Variants in NFATC1 observed in about 807,000 individuals in gnomAD.
The protein encoded by NFATC1 is nuclear factor of activated T cells 1, also known as nuclear factor of activated T-cells, cytoplasmic 1.
A neutral mutation model predicts 76.0 loss-of-function variants in NFATC1; 22 were observed. The ratio of observed to expected loss-of-function variants is 0.29; its 90% CI spans 0.21 to 0.41. The LOEUF is 0.41. Ranked by LOEUF, NFATC1 falls within the 10% of genes least tolerant of loss-of-function variation. The probability of loss-of-function intolerance (pLI) is 1.00; values close to 1 mark genes in which losing one functional copy is unlikely to be tolerated. For synonymous variants in NFATC1, 704 were observed against 613.1 expected (o/e 1.15, Z -2.19); for missense variants, 1,357 against 1,337.7 (o/e 1.01, Z -0.23).
chr18:79,400,164 GTTTA>G (rs2085140179), intron 1 of NFATC1: 1 of 1,090,640 alleles, frequency 9.2e-7, no homozygotes, highest in East Asian at 5.3e-5. Context: ...GGGGACACGA[GTTTA>G]TTTAAAAACT....
In NFATC1 at chr18:79,486,639, G is replaced by A. The variant is rs1323320757; in HGVS notation, c.2484G>A (p.Ala828=). 23 of 1,602,596 alleles carry A rather than the reference G, an allele frequency of 1.4e-5. No homozygotes were observed. The highest frequency in any genetic ancestry group is 2.2e-5 in the East Asian group (1 of 44,694). The change falls in exon 9 of 10, where the codon GCG becomes GCA. Residue 828 remains alanine (A), a synonymous_variant. Coordinates refer to ENST00000427363, the MANE Select transcript of NFATC1 (RefSeq NM_001278669.2). ...PPALLPQQVS[A]PPSSSCPPGL... is the part of the protein sequence containing the mutation. ...CCCTGCTGCCACAGCAGGTGAGTGC[G>A]CCTCCAAGCAGTAGCTGCCCCCCTG...
chr18:79,448,998 G>T lies in NFATC1; in HGVS notation c.1589+14G>T, dbSNP rs763462075. 6 of 1,612,046 alleles carry T rather than the reference G, an allele frequency of 3.7e-6. No homozygotes were observed. Among genetic ancestry groups the T allele is most frequent in the Middle Eastern group, 3.4e-4 (2 of 5,890 alleles). Reference sequence around the variant, plus strand: ...CATGCGAGCCGTGTAAGCCGCGGGGGACCTCCGGCCTCTGGCAGGGGGCGG... The same window carrying T: ...CATGCGAGCCGTGTAAGCCGCGGGGTACCTCCGGCCTCTGGCAGGGGGCGG... On this transcript the variant is annotated intron_variant, in intron 4 of 9. Transcript: ENST00000427363.
chr18:79,455,379 G>C (rs1184839002), intron 6 of NFATC1, among the ~76,000 whole-genome samples: 1 of 145,012 alleles, frequency 6.9e-6, no homozygotes, highest in Non-Finnish European at 1.5e-5. Context: ...GGCCTGGACG[G>C]CCGGCGTCTC....
chr18:79,513,332 C>G (rs2090304943), intron 9 of NFATC1, among the ~76,000 whole-genome samples: 1 of 152,188 alleles, frequency 6.6e-6, no homozygotes. Context: ...GGGCGTGAGG[C>G]TCCCGGGTCA....
In NFATC1 at chr18:79,450,956, T is replaced by C; in HGVS notation, c.1592T>C (p.Ile531Thr). The stretch of plus-strand genomic sequence containing the variant: ...CTGTGGGCTTTTGTTTTGGGCAGCA[T>C]TGACTGTGCCGGAATCCTGAAACTC... Reference protein sequence around the residue: ...LLPENSMRAVIDCAGILKLRN... With the variant: ...LLPENSMRAVTDCAGILKLRN... Residue 531 changes from isoleucine to threonine, a missense_variant and splice_region_variant, in exon 5 of 10, where the codon ATT (isoleucine) becomes ACT (threonine). Coordinates refer to ENST00000427363, the MANE Select transcript of NFATC1 (RefSeq NM_001278669.2). 6.2e-7 allele frequency: 1 copy of C among 1,613,182 alleles called. No homozygotes were observed. Among genetic ancestry groups the C allele is most frequent in the Non-Finnish European group, 8.5e-7 (1 of 1,179,646 alleles).
chr18:79,523,892 A>T (rs2090680545), intron 9 of NFATC1: 1 of 152,264 alleles, frequency 6.6e-6, no homozygotes, highest in South Asian at 2.1e-4. Context: ...ACGTTAGGCA[A>T]AGTAAGTTTC....
chr18:79,430,948 G>T (rs2086568852), intron 2 of NFATC1, among the ~76,000 whole-genome samples: 1 of 152,212 alleles, frequency 6.6e-6, no homozygotes, highest in Non-Finnish European at 1.5e-5. Flanking sequence ...GTGGAGGCCT[G>T]GGTCCAGCCG....
intron 2 of NFATC1, among the ~76,000 whole-genome samples, chr18:79,424,731 G>A (rs111211773): frequency 5.2e-4 from 74 of 143,138 alleles, no homozygotes; most frequent in African/African-American, 1.8e-3. Context: ...GTCTCTCTCC[G>A]TCTCTGTCTG....
chr18:79,471,400 T>C (rs965926330), intron 8 of NFATC1, among the ~76,000 whole-genome samples: 1 of 152,150 alleles, frequency 6.6e-6, no homozygotes, highest in Non-Finnish European at 1.5e-5. Context: ...GCGGGCACTT[T>C]GGAGAAAGAA....
At chr18:79,438,227 G>A (rs772537739) in intron 3 of NFATC1, among the ~76,000 whole-genome samples, 7 of 152,158 alleles carry the variant, frequency 4.6e-5, no homozygotes, top group East Asian at 1.9e-4. Context: ...TCTCTTTGCC[G>A]TGGACTGCAG....
intron 2 of NFATC1, among the ~76,000 whole-genome samples, chr18:79,415,945 C>T (rs2085861962): frequency 6.6e-6 from 1 of 152,098 alleles, no homozygotes; most frequent in African/African-American, 2.4e-5. Context: ...GCCTGTAATC[C>T]CAGCTACTCA....
chr18:79,487,872 G>A (rs996288964), intron 9 of NFATC1, among the ~76,000 whole-genome samples: 25 of 152,132 alleles, frequency 1.6e-4, no homozygotes, highest in Middle Eastern at 3.2e-3. Context: ...GGGCGATTCC[G>A]CTCGTGTTTT....
In NFATC1 at chr18:79,524,208, G is replaced by A. The variant is rs1362892246; in HGVS notation, c.2783-3320G>A. On this transcript the variant is annotated intron_variant, in intron 9 of 9. Coordinates refer to ENST00000427363, the MANE Select transcript of NFATC1 (RefSeq NM_001278669.2). This position sits in a 1 kb window ranked among gnomAD's most constrained non-coding sequence, Gnocchi z 7.2. ...TCCTGTCTTTCAGCCCAGCGCCAGC[G>A]AGCCACATGGCCTCAGACCAACCCC... Among the ~76,000 whole-genome samples the A allele has an allele frequency of 4.6e-5, 7 of 152,180 alleles. No individual in the cohort carries two copies. The highest frequency in any genetic ancestry group is 7.3e-5 in the Non-Finnish European group (5 of 68,036).
intron 3 of NFATC1, among the ~76,000 whole-genome samples, chr18:79,436,380 A>T (rs1018708139): frequency 2.0e-5 from 3 of 152,236 alleles, no homozygotes; most frequent in African/African-American, 7.2e-5. Flanking sequence ...TGTCCGCTGC[A>T]TCTCAAAAAG....
chr18:79,411,751 A>T (rs1241575265), intron 2 of NFATC1, among the ~76,000 whole-genome samples: 1 of 152,192 alleles, frequency 6.6e-6, no homozygotes, highest in African/African-American at 2.4e-5. Context: ...TGAAGTCTCC[A>T]GATCCTCTCG....
At chr18:79,433,246 C>T (rs8097537) in intron 2 of NFATC1, among the ~76,000 whole-genome samples, 68,237 of 152,052 alleles carry the variant, frequency 0.45, 15,925 homozygotes, top group African/African-American at 0.58. Flanking sequence ...AGGCCACAGC[C>T]CATCCCTCTT....
intron 9 of NFATC1, among the ~76,000 whole-genome samples, 166 bp downstream of exon 9, chr18:79,487,103 C>T (rs577973249): frequency 9.2e-5 from 14 of 152,232 alleles, no homozygotes; most frequent in Admixed American, 8.5e-4. Context: ...TGCGGTGCCA[C>T]GGCGTCAGCG....
intron 8 of NFATC1, among the ~76,000 whole-genome samples, chr18:79,478,767 C>G (rs2089173178): frequency 6.6e-6 from 1 of 152,214 alleles, no homozygotes; most frequent in South Asian, 2.1e-4. Flanking sequence ...AAGCCCCCCT[C>G]CAGGACTCAG....
At chr18:79,399,032 A>T (rs1384124443) in intron 1 of NFATC1, among the ~76,000 whole-genome samples, 1 of 152,224 alleles carries the variant, frequency 6.6e-6, no homozygotes, top group African/African-American at 2.4e-5. Flanking sequence ...GCACCACTGC[A>T]CTCCAGCCTG....
Sources: gnomAD v4.1 joint callset for allele counts (sites outside exome capture counted in the v4.1 genomes callset) on GRCh38, gnomAD v4.1.1 for gene constraint, Gnocchi (gnomAD v3.1) non-coding constraint, MANE v1.5 for transcripts, NCBI Gene and HGNC (gene_info 2026-07-23, HGNC 2026-07-21) for gene names.